The following F2RL1 variants were observed in gnomAD, a reference collection of about 807,000 sequenced individuals.
F2RL1 encodes F2R like trypsin receptor 1.
F2RL1 carries 16 observed loss-of-function variants against 21.7 expected under a neutral mutation model. The ratio of observed to expected loss-of-function variants is 0.74; its 90% CI spans 0.50 to 1.12. F2RL1 has a LOEUF of 1.12. F2RL1 is among the 50% of genes most tolerant of loss of function. F2RL1 has a pLI of 0.00. For synonymous variants in F2RL1, 181 were observed against 186.7 expected (o/e 0.97, Z 0.25); for missense variants, 432 against 477.8 (o/e 0.90, Z 0.89).
intron 1 of F2RL1, among the ~76,000 whole-genome samples, chr5:76,832,142 A>G (rs780901835): frequency 6.6e-6 from 1 of 151,950 alleles, no homozygotes; most frequent in Admixed American, 6.6e-5. Flanking sequence ...CATGCATCCC[A>G]CAACTCCTTA....
At chr5:76,821,982 A>G (rs1750144174) in intron 1 of F2RL1, among the ~76,000 whole-genome samples, 1 of 152,208 alleles carries the variant, frequency 6.6e-6, no homozygotes, top group African/African-American at 2.4e-5. Context: ...CCTGAACTTC[A>G]GTACCAAAGT....
chr5:76,829,295 C>T (rs1254689236), intron 1 of F2RL1, among the ~76,000 whole-genome samples: 10 of 142,152 alleles, frequency 7.0e-5, no homozygotes, highest in Admixed American at 4.4e-4. Context: ...TGGCATTGTG[C>T]TATGTTGCCC....
At chr5:76,829,879 G>T (rs1393199057) in intron 1 of F2RL1, among the ~76,000 whole-genome samples, 1 of 152,092 alleles carries the variant, frequency 6.6e-6, no homozygotes, top group Non-Finnish European at 1.5e-5. Flanking sequence ...GAAGAACACT[G>T]TAATATGTAG....
At chr5:76,819,718 GTGGGGTTA>G (rs1750094082) in intron 1 of F2RL1, among the ~76,000 whole-genome samples, 1 of 152,132 alleles carries the variant, frequency 6.6e-6, no homozygotes. Flanking sequence ...CGCGGGGCCG[GTGGGGTTA>G]GCGAGCTGAT....
chr5:76,832,022 AT>A lies in F2RL1; in HGVS notation c.83-667del, dbSNP rs1477801164. Among the ~76,000 whole-genome samples the A allele has an allele frequency of 2.0e-4, 30 of 151,838 alleles. No individual in the cohort carries two copies. The East Asian group carries it at 3.1e-3, about 16-fold the overall frequency. On this transcript the variant is annotated intron_variant, in intron 1 of 1. Transcript: ENST00000296677. ...GACCCCATCTCTAAAAAAAAAAAAA[AT>A]AATAAGTAAAATAAAAAGAATAGCT...
intron 1 of F2RL1, among the ~76,000 whole-genome samples, chr5:76,828,941 C>T (rs1750296898): frequency 1.3e-5 from 2 of 151,978 alleles, no homozygotes; most frequent in Admixed American, 6.6e-5. Flanking sequence ...CATGGTGAAA[C>T]CCCATCTCTA....
At chr5:76,825,821 A>G (rs184717196) in intron 1 of F2RL1, among the ~76,000 whole-genome samples, 3 of 152,320 alleles carry the variant, frequency 2.0e-5, no homozygotes, top group East Asian at 3.9e-4. Context: ...GATGGAGACC[A>G]TTAAAGGTTA....
At chr5:76,832,134 T>C (rs1750360614) in intron 1 of F2RL1, among the ~76,000 whole-genome samples, 2 of 152,060 alleles carry the variant, frequency 1.3e-5, no homozygotes, top group South Asian at 4.1e-4. Context: ...ATGCTCCACA[T>C]GCATCCCACA....
At chr5:76,819,977 T>C (rs1750099430) in intron 1 of F2RL1, among the ~76,000 whole-genome samples, 1 of 152,086 alleles carries the variant, frequency 6.6e-6, no homozygotes, top group South Asian at 2.1e-4. Flanking sequence ...GCCACGAGGA[T>C]TTACGAGCGG....
chr5:76,827,851 C>G (rs575553558), intron 1 of F2RL1, among the ~76,000 whole-genome samples: 18 of 152,222 alleles, frequency 1.2e-4, no homozygotes, highest in African/African-American at 4.3e-4. Context: ...CCTGCCTCAG[C>G]CTCCCAAATT....
At position 76,819,126 on chromosome 5, in the gene F2RL1, G is replaced by T; in HGVS notation, c.-57G>T. The T allele has an allele frequency of 7.0e-7, 1 of 1,438,728 alleles. No homozygotes were observed. The allele number at this position is 1,438,728 out of a possible 1,614,324, so 89.1% of individuals were successfully genotyped here. On this transcript the variant is annotated 5_prime_UTR_variant, in exon 1 of 2. Coordinates refer to ENST00000296677, the MANE Select transcript of F2RL1 (RefSeq NM_005242.6). ...CTCGGTGCGTCCAGTGGAGCTCTGA[G>T]TTTCGAATCGGCGGCGGCGGATTCC...
chr5:76,823,625 C>G (rs1250086985), intron 1 of F2RL1, among the ~76,000 whole-genome samples: 1 of 151,842 alleles, frequency 6.6e-6, no homozygotes, highest in African/African-American at 2.4e-5. Context: ...GTGATCCGCC[C>G]GCCTTGGCCT....
At chr5:76,831,426 G>A (rs1267045044) in intron 1 of F2RL1, among the ~76,000 whole-genome samples, 2 of 152,118 alleles carry the variant, frequency 1.3e-5, no homozygotes, top group African/African-American at 4.8e-5. Context: ...GCTAGAGTGG[G>A]ATAGAAGGCC....
At position 76,831,535 on chromosome 5, in the gene F2RL1, A is replaced by ATTTTT. The variant is rs3053251; in HGVS notation, c.83-1141_83-1137dup. On this transcript the variant is annotated intron_variant, in intron 1 of 1. Coordinates refer to ENST00000296677, the MANE Select transcript of F2RL1 (RefSeq NM_005242.6). ...GGAATTACTGCACATTCCTAAACTGATTTTTTTTTTTTTTTTTTGACTGAG... is the reference window on the plus strand; with the variant it reads ...GGAATTACTGCACATTCCTAAACTGATTTTTTTTTTTTTTTTTTTTTTTGACTGAG... Among the ~76,000 whole-genome samples, 79 of 134,148 alleles carry ATTTTT rather than the reference A, an allele frequency of 5.9e-4. 1 individual carries two copies. Among genetic ancestry groups the ATTTTT allele is most frequent in the African/African-American group, 2.0e-3 (69 of 35,238 alleles). The allele number at this position is 134,148 out of a possible 152,430, so 88.0% of individuals were successfully genotyped here. A position where few individuals can be genotyped will look rare whatever the true frequency, so the allele number is the denominator to read the frequency against.
Position 76,819,222 on chromosome 5 carries a change from A to G in F2RL1, c.40A>G (p.Ile14Val), listed in dbSNP as rs1301336209. 1 of 1,591,024 alleles carries G rather than the reference A, an allele frequency of 6.3e-7. No individual in the cohort carries two copies. The highest frequency in any genetic ancestry group is 8.5e-7 in the Non-Finnish European group (1 of 1,177,432). Residue 14 changes from isoleucine to valine, a missense_variant, in exon 1 of 2, where the codon ATC (isoleucine) becomes GTC (valine). Ile to Val is a conservative substitution (Grantham distance 29). Coordinates refer to ENST00000296677, the MANE Select transcript of F2RL1 (RefSeq NM_005242.6). ...CGCGGCGTGGCTGCTGGGGGCCGCC[A>G]TCCTGCTAGCAGCCTCTCTCTCCTG... Reference protein sequence around the residue: ...PSAAWLLGAAILLAASLSCSG... With the variant: ...PSAAWLLGAAVLLAASLSCSG...
intron 1 of F2RL1, among the ~76,000 whole-genome samples, chr5:76,822,763 A>G (rs1223339338): frequency 6.6e-6 from 1 of 151,998 alleles, no homozygotes; most frequent in Non-Finnish European, 1.5e-5. Context: ...TGAAACCTTT[A>G]TTTTTCAGTC....
At chr5:76,823,813 C>CTTTT (rs5868840) in intron 1 of F2RL1, among the ~76,000 whole-genome samples, 1 of 127,232 alleles carries the variant, frequency 7.9e-6, no homozygotes. Context: ...TCTGTACAAA[C>CTTTT]TTTTTTTTTT....
intron 1 of F2RL1, among the ~76,000 whole-genome samples, chr5:76,830,813 A>G (rs1349051412): frequency 6.6e-6 from 1 of 152,202 alleles, no homozygotes; most frequent in Non-Finnish European, 1.5e-5. Flanking sequence ...CACTCCACCC[A>G]GGCTAGCATC....
chr5:76,833,062 T>C lies in F2RL1; in HGVS notation c.455T>C (p.Ile152Thr), dbSNP rs764943773. ...GGGGAAGCTCTTTGTAATGTGCTTA[T>C]TGGCTTTTTCTATGGCAACATGTAC... is the stretch of plus-strand genomic sequence containing the variant. ...IYGEALCNVL[I>T]GFFYGNMYCS... Residue 152 changes from isoleucine (I) to threonine (T), a missense_variant, in exon 2 of 2, where the codon ATT becomes ACT. Ile to Thr is a moderately conservative substitution (Grantham distance 89). Coordinates refer to ENST00000296677, the MANE Select transcript of F2RL1 (RefSeq NM_005242.6). The C allele has an allele frequency of 6.2e-7, 1 of 1,614,256 alleles. No individual in the cohort carries two copies. The highest frequency in any genetic ancestry group is 1.1e-5 in the South Asian group (1 of 91,090).
Sources: gnomAD v4.1 joint callset for allele counts (sites outside exome capture counted in the v4.1 genomes callset) on GRCh38, gnomAD v4.1.1 for gene constraint, MANE v1.5 for transcripts, NCBI Gene and HGNC (gene_info 2026-07-23, HGNC 2026-07-21) for gene names.